PTPRT: variants seen among roughly 807,000 people sequenced by gnomAD.
PTPRT encodes protein tyrosine phosphatase receptor type T.
Under a neutral mutation model 176.8 loss-of-function variants are expected in PTPRT, and 56 were observed. The ratio of observed to expected loss-of-function variants is 0.32; its 90% CI spans 0.26 to 0.40. The LOEUF is 0.40. PTPRT is among the 10% of genes least tolerant of loss of function. The pLI is 1.00. For missense variants in PTPRT, 1,540 were observed against 1,908.2 expected, an observed-to-expected ratio of 0.81 and a Z score of 3.60; for synonymous variants, 783 against 739.0, an observed-to-expected ratio of 1.06 and a Z score of -0.96.
chr20:42,032,246 G>T, the PTPRT span, among the ~76,000 whole-genome samples: 1 of 152,122 alleles, frequency 6.6e-6, no homozygotes, highest in Non-Finnish European at 1.5e-5. Context: ...GGACCACAAG[G>T]TAGAAGGAGA....
intron 12 of PTPRT, among the ~76,000 whole-genome samples, chr20:42,312,760 G>GTCAAAACTGCTTCTGAGATGAGGCAGTT: frequency 6.7e-6 from 1 of 149,524 alleles, no homozygotes; most frequent in Admixed American, 6.6e-5. Flanking sequence ...CTGAAGCAGT[G>GTCAAAACTGCTTCTGAGATGAGGCAGTT]TCAAAACTGC....
intron 15 of PTPRT, among the ~76,000 whole-genome samples, chr20:42,210,284 G>T (rs1028281311): frequency 6.6e-6 from 1 of 152,168 alleles, no homozygotes; most frequent in African/African-American, 2.4e-5. Context: ...CACAGTGTTG[G>T]AAGTTCTGGC....
chr20:42,844,400 A>G (rs2078332583), intron 2 of PTPRT, among the ~76,000 whole-genome samples: 1 of 152,220 alleles, frequency 6.6e-6, no homozygotes, highest in Non-Finnish European at 1.5e-5. Context: ...CCACCGCCAT[A>G]GCATCCACAT....
chr20:42,398,435 A>C, intron 9 of PTPRT, among the ~76,000 whole-genome samples: 1 of 152,220 alleles, frequency 6.6e-6, no homozygotes, highest in Non-Finnish European at 1.5e-5. Flanking sequence ...AAACAGGAGC[A>C]GGTTAAATAA....
chr20:42,777,433 C>T (rs1180154708), intron 4 of PTPRT, among the ~76,000 whole-genome samples: 1 of 152,144 alleles, frequency 6.6e-6, no homozygotes, highest in East Asian at 1.9e-4. Context: ...AGTCCCAGCC[C>T]AGGTCACATT....
At chr20:42,410,592 C>G (rs184082239) in intron 9 of PTPRT, among the ~76,000 whole-genome samples, 1 of 152,066 alleles carries the variant, frequency 6.6e-6, no homozygotes, top group East Asian at 1.9e-4. Flanking sequence ...GATGTTATTT[C>G]AGACTCCATT....
At chr20:42,370,745 A>C (rs2087908022) in intron 9 of PTPRT, among the ~76,000 whole-genome samples, 1 of 152,202 alleles carries the variant, frequency 6.6e-6, no homozygotes, top group African/African-American at 2.4e-5. Flanking sequence ...AAGACATTAA[A>C]GTTCTTCAAT....
intron 28 of PTPRT, 38 bp from the exon 29 acceptor site, chr20:42,084,883 G>C: frequency 7.3e-7 from 1 of 1,366,326 alleles, no homozygotes; most frequent in Non-Finnish European, 9.6e-7. Context: ...TTCTGCTGGG[G>C]ATGCTTGCGT....
chr20:42,574,710 G>A (rs984544499), intron 7 of PTPRT, among the ~76,000 whole-genome samples: 1 of 152,256 alleles, frequency 6.6e-6, no homozygotes, highest in South Asian at 2.1e-4. Flanking sequence ...AGGTGATATG[G>A]TTTGGCTCTG....
At chr20:42,654,798 G>A (rs2075095264) in intron 7 of PTPRT, among the ~76,000 whole-genome samples, 1 of 152,196 alleles carries the variant, frequency 6.6e-6, no homozygotes, top group South Asian at 2.1e-4. Context: ...GGTAAGTAGT[G>A]AGATGAGAGT....
intron 9 of PTPRT, among the ~76,000 whole-genome samples, chr20:42,404,570 T>C (rs1289903993): frequency 6.6e-6 from 1 of 152,174 alleles, no homozygotes; most frequent in East Asian, 1.9e-4. Flanking sequence ...ATTCAAGCTG[T>C]ATGACTTTAG....
chr20:42,231,059 C>T (rs2056124531), intron 15 of PTPRT, among the ~76,000 whole-genome samples: 2 of 152,208 alleles, frequency 1.3e-5, no homozygotes. Context: ...GGAAGACCAG[C>T]CACATCATGT....
intron 2 of PTPRT, among the ~76,000 whole-genome samples, chr20:42,883,363 A>G (rs1440608629): frequency 6.6e-6 from 1 of 152,122 alleles, no homozygotes; most frequent in Non-Finnish European, 1.5e-5. Flanking sequence ...GTAAAATGGC[A>G]GAACAAAGTG....
intron 9 of PTPRT, among the ~76,000 whole-genome samples, chr20:42,416,438 C>CA (rs2145754267): frequency 6.6e-6 from 1 of 152,312 alleles, no homozygotes; most frequent in East Asian, 1.9e-4. Context: ...ACAGCCGCCA[C>CA]AGGAAAAAAC....
At chr20:42,133,262 A>T (rs77302239) in intron 18 of PTPRT, among the ~76,000 whole-genome samples, 3,117 of 152,284 alleles carry the variant, frequency 0.02, 108 homozygotes, top group African/African-American at 0.07. Context: ...TTTTTGACTT[A>T]TGATATTTTA....
chr20:42,716,256 G>C (rs2076221330), intron 6 of PTPRT, among the ~76,000 whole-genome samples: 1 of 152,022 alleles, frequency 6.6e-6, no homozygotes, highest in African/African-American at 2.4e-5. Flanking sequence ...AATTGCAGAG[G>C]GTATATACCC....
chr20:42,971,213 G>C (rs1982617872), intron 1 of PTPRT: 1 of 152,240 alleles, frequency 6.6e-6, no homozygotes, highest in Non-Finnish European at 1.5e-5. Context: ...AAGAGTCAAA[G>C]TGCATGTAGA....
chr20:42,175,963 G>A (rs1990274480), intron 16 of PTPRT, among the ~76,000 whole-genome samples: 1 of 152,154 alleles, frequency 6.6e-6, no homozygotes, highest in African/African-American at 2.4e-5. Flanking sequence ...AGGGTCCCAT[G>A]TTATATCCTA....
At chr20:43,034,504 G>A (rs898447408) in intron 1 of PTPRT, among the ~76,000 whole-genome samples, 6 of 151,252 alleles carry the variant, frequency 4.0e-5, no homozygotes, top group African/African-American at 1.2e-4. Context: ...CTTCCAGGAG[G>A]TGGAATTAAA....
Sources: gnomAD v4.1 joint callset for allele counts (sites outside exome capture counted in the v4.1 genomes callset) on GRCh38, gnomAD v4.1.1 for gene constraint, MANE v1.5 for transcripts, NCBI Gene and HGNC (gene_info 2026-07-23, HGNC 2026-07-21) for gene names.